Variants in GID8 observed in about 807,000 individuals in gnomAD.
The protein encoded by GID8 is GID complex subunit 8 homolog.
A neutral mutation model predicts 27.4 loss-of-function variants in GID8; 6 were observed. The observed-to-expected ratio is 0.22, with a 90% CI of 0.12 to 0.43. GID8 has a LOEUF of 0.43. Among genes scored for constraint, GID8 ranks in the 20% least tolerant of loss-of-function variants. The pLI is 1.00. For synonymous variants in GID8, 112 were observed against 109.0 expected, an observed-to-expected ratio of 1.03 and a Z score of -0.17; for missense variants, 173 against 287.6, an observed-to-expected ratio of 0.60 and a Z score of 2.88.
At position 62,943,242 on chromosome 20, in the gene GID8, C is replaced by A; in HGVS notation, c.315+59C>A. On this transcript the variant is annotated intron_variant, in intron 3 of 4. Coordinates refer to ENST00000266069, the MANE Select transcript of GID8 (RefSeq NM_017896.3). This position sits in a 1 kb window ranked among gnomAD's most constrained non-coding sequence, Gnocchi z 4.7. ...ATACTTGATAAGTTAAAGTTATTTG[C>A]AATGATTGAGAAATAACTAGGCTAA... is the stretch of plus-strand genomic sequence containing the variant. The A allele has an allele frequency of 8.8e-7, 1 of 1,142,050 alleles. No homozygotes were observed. Among genetic ancestry groups the A allele is most frequent in the South Asian group, 1.5e-5 (1 of 65,108 alleles). 70.7% of individuals were successfully genotyped at this position (1,142,050 alleles called of 1,614,324 possible).
chr20:62,940,648 C>G (rs929332556), intron 1 of GID8, among the ~76,000 whole-genome samples: 4 of 152,284 alleles, frequency 2.6e-5, no homozygotes, highest in African/African-American at 7.2e-5. Flanking sequence ...CGCGCCCGGC[C>G]GCAACTCTCT....
Position 62,943,298 on chromosome 20 carries a change from T to A in GID8, c.315+115T>A. On this transcript the variant is annotated intron_variant, in intron 3 of 4. Coordinates refer to ENST00000266069, the MANE Select transcript of GID8 (RefSeq NM_017896.3). This position sits in a 1 kb window ranked among gnomAD's most constrained non-coding sequence, Gnocchi z 4.7. Reference sequence around the variant, plus strand: ...TTTAATAATGTTATTTCAATGCATGTGAGGGGGAGAGGTTTGAGTTTGCTC... The same window carrying A: ...TTTAATAATGTTATTTCAATGCATGAGAGGGGGAGAGGTTTGAGTTTGCTC... The A allele has an allele frequency of 1.0e-6, 1 of 976,310 alleles. No individual in the cohort carries two copies. The highest frequency in any genetic ancestry group is 1.5e-6 in the Non-Finnish European group (1 of 646,858). The allele number at this position is 976,310 out of a possible 1,614,324, so 60.5% of individuals were successfully genotyped here.
At chr20:62,944,657 T>C in intron 4 of GID8, 82 bp from the exon 5 acceptor site, 1 of 942,202 alleles carries the variant, frequency 1.1e-6, no homozygotes, top group Non-Finnish European at 1.7e-6. Context: ...AGCTTAATGT[T>C]TGTTTAAACT....
rs1229893486 is a variant in GID8, at chr20:62,938,159, G to C, written c.-107G>C. On this transcript the variant is annotated 5_prime_UTR_variant, in exon 1 of 5. Coordinates refer to ENST00000266069, the MANE Select transcript of GID8 (RefSeq NM_017896.3). ...CCCCCACCTCTGCCTCCTTCTACTC[G>C]GGCGCCCCGGCGGCCGCCACCTCTC... 2.2e-5 allele frequency: 6 copies of C among 266,726 alleles called. No individual in the cohort carries two copies. The highest frequency in any genetic ancestry group is 2.8e-5 in the Non-Finnish European group (4 of 141,828). 16.5% of individuals were successfully genotyped at this position (266,726 alleles called of 1,614,324 possible). A position where few individuals can be genotyped will look rare whatever the true frequency, so the allele number is the denominator to read the frequency against.
At position 62,943,814 on chromosome 20, in the gene GID8, A is replaced by T; in HGVS notation, c.513+122A>T. The T allele has an allele frequency of 1.5e-4, 93 of 619,930 alleles. No homozygotes were observed. Among genetic ancestry groups the T allele is most frequent in the Non-Finnish European group, 2.4e-4 (85 of 355,826 alleles). 38.4% of individuals were successfully genotyped at this position (619,930 alleles called of 1,614,324 possible). On this transcript the variant is annotated intron_variant, in intron 4 of 4. Coordinates refer to ENST00000266069, the MANE Select transcript of GID8 (RefSeq NM_017896.3). The surrounding 1 kb of genome is among the most constrained non-coding windows in gnomAD (Gnocchi z 4.7). ...GAGACAGGTGGCTTCTGTGCCTGGG[A>T]TGCTAAGTGGTTCCTTCATGGCTTT...
chr20:62,943,323 C>T lies in GID8; in HGVS notation c.315+140C>T. ...TGAGGGGGAGAGGTTTGAGTTTGCT[C>T]TTTTATGTAGTTCAGAAGCGGTTTT... On this transcript the variant is annotated intron_variant, in intron 3 of 4. Transcript: ENST00000266069. The surrounding 1 kb of genome is among the most constrained non-coding windows in gnomAD (Gnocchi z 4.7). 3 of 938,942 alleles carry T rather than the reference C, an allele frequency of 3.2e-6. No homozygotes were observed. Among genetic ancestry groups the T allele is most frequent in the Non-Finnish European group, 4.8e-6 (3 of 619,816 alleles). The allele number at this position is 938,942 out of a possible 1,614,324, so 58.2% of individuals were successfully genotyped here. A position where few individuals can be genotyped will look rare whatever the true frequency, so the allele number is the denominator to read the frequency against.
Position 62,943,303 on chromosome 20 carries a change from G to C in GID8, c.315+120G>C. On this transcript the variant is annotated intron_variant, in intron 3 of 4. Coordinates refer to ENST00000266069, the MANE Select transcript of GID8 (RefSeq NM_017896.3). The surrounding 1 kb of genome is among the most constrained non-coding windows in gnomAD (Gnocchi z 4.7). ...TAATGTTATTTCAATGCATGTGAGG[G>C]GGAGAGGTTTGAGTTTGCTCTTTTA... The C allele has an allele frequency of 1.0e-6, 1 of 972,270 alleles. No homozygotes were observed. The highest frequency in any genetic ancestry group is 1.6e-6 in the Non-Finnish European group (1 of 644,286). 60.2% of individuals were successfully genotyped at this position (972,270 alleles called of 1,614,324 possible). A position where few individuals can be genotyped will look rare whatever the true frequency, so the allele number is the denominator to read the frequency against.
chr20:62,943,746 C>T lies in GID8; in HGVS notation c.513+54C>T. The T allele has an allele frequency of 1.4e-6, 2 of 1,386,754 alleles. No individual in the cohort carries two copies. Among genetic ancestry groups the T allele is most frequent in the Non-Finnish European group, 2.0e-6 (2 of 980,246 alleles). 85.9% of individuals were successfully genotyped at this position (1,386,754 alleles called of 1,614,324 possible). On this transcript the variant is annotated intron_variant, in intron 4 of 4. Coordinates refer to ENST00000266069, the MANE Select transcript of GID8 (RefSeq NM_017896.3). This position sits in a 1 kb window ranked among gnomAD's most constrained non-coding sequence, Gnocchi z 4.7. Reference sequence around the variant, plus strand: ...CCATTCCCCATGTGCTCTGAGGGGGCTTCGTGACAACGCCAAGTGTGTGGC... The same window carrying T: ...CCATTCCCCATGTGCTCTGAGGGGGTTTCGTGACAACGCCAAGTGTGTGGC...
chr20:62,944,016 A>G (rs1161773987), intron 4 of GID8, among the ~76,000 whole-genome samples: 2 of 151,976 alleles, frequency 1.3e-5, no homozygotes, highest in Admixed American at 1.3e-4. Context: ...TTGTATTTTT[A>G]GTGGAGATGG....
In GID8 at chr20:62,944,783, C is replaced by T. The variant is rs201563461; in HGVS notation, c.558C>T (p.Arg186=). ...AAGCTGTGCTAGATTATGAAAATCGCGAGTCAACACCCAAACTGGCAAAAT... is the reference window on the plus strand; with the variant it reads ...AAGCTGTGCTAGATTATGAAAATCGTGAGTCAACACCCAAACTGGCAAAAT... The part of the protein sequence containing the change: ...VNQAVLDYEN[R]ESTPKLAKLL... Residue 186 remains arginine (R), a synonymous_variant, in exon 5 of 5, where the codon CGC becomes CGT. Transcript: ENST00000266069. 2.5e-5 allele frequency: 41 copies of T among 1,613,948 alleles called. No individual in the cohort carries two copies. Among genetic ancestry groups the T allele is most frequent in the South Asian group, 6.6e-5 (6 of 91,090 alleles).
Position 62,947,767 on chromosome 20 carries a change from G to A in GID8, c.*2855G>A, listed in dbSNP as rs926275085. ...GTGCGGAGTCCACGGAAGCCTCGGGGAGGTGGAGCTGCTCCTTCCATTCCG... is the reference window on the plus strand; with the variant it reads ...GTGCGGAGTCCACGGAAGCCTCGGGAAGGTGGAGCTGCTCCTTCCATTCCG... On this transcript the variant is annotated 3_prime_UTR_variant, in exon 5 of 5. Coordinates refer to ENST00000266069, the MANE Select transcript of GID8 (RefSeq NM_017896.3). 5 of 152,268 alleles carry A rather than the reference G, an allele frequency of 3.3e-5. No homozygotes were observed. Among genetic ancestry groups the A allele is most frequent in the African/African-American group, 9.6e-5 (4 of 41,460 alleles). The allele number at this position is 152,268 out of a possible 1,614,324, so 9.4% of individuals were successfully genotyped here.
At position 62,945,847 on chromosome 20, in the gene GID8, G is replaced by A. The variant is rs1289533552; in HGVS notation, c.*935G>A. ...CCCCAGCAGGTGGTGCACGACTGTT[G>A]GCGGAAGGAACGCGTGTTCATCCTC... On this transcript the variant is annotated 3_prime_UTR_variant, in exon 5 of 5. Transcript: ENST00000266069. 1.6e-6 allele frequency: 2 copies of A among 1,289,656 alleles called. No individual in the cohort carries two copies. Among genetic ancestry groups the A allele is most frequent in the Admixed American group, 2.3e-5 (1 of 43,556 alleles). 79.9% of individuals were successfully genotyped at this position (1,289,656 alleles called of 1,614,324 possible). A position where few individuals can be genotyped will look rare whatever the true frequency, so the allele number is the denominator to read the frequency against.
intron 1 of GID8, among the ~76,000 whole-genome samples, chr20:62,939,117 CA>C (rs5842408): frequency 0.27 from 38,579 of 144,462 alleles, 5,164 homozygotes; most frequent in East Asian, 0.35. Flanking sequence ...GGCTCTGTCT[CA>C]AAAAAAAAAG....
Position 62,943,204 on chromosome 20 carries a change from G to C in GID8, c.315+21G>C, listed in dbSNP as rs749285571. On this transcript the variant is annotated intron_variant, in intron 3 of 4. Transcript: ENST00000266069. This position sits in a 1 kb window ranked among gnomAD's most constrained non-coding sequence, Gnocchi z 4.7. Reference sequence around the variant, plus strand: ...TGCAGGTATGTTTCAGGAGAGAGTAGTCTGGTTTGTGAATACTTGATAAGT... The same window carrying C: ...TGCAGGTATGTTTCAGGAGAGAGTACTCTGGTTTGTGAATACTTGATAAGT... 2 of 1,550,886 alleles carry C rather than the reference G, an allele frequency of 1.3e-6. No homozygotes were observed. The highest frequency in any genetic ancestry group is 2.3e-5 in the South Asian group (2 of 88,822).
Position 62,944,921 on chromosome 20 carries a change from C to T in GID8, c.*9C>T, listed in dbSNP as rs747573540. 1.2e-6 allele frequency: 2 copies of T among 1,605,672 alleles called. No homozygotes were observed. The highest frequency in any genetic ancestry group is 2.2e-5 in the South Asian group (2 of 89,996). ...TTGAGGAGCCCAAGTAGCGCCTGCGCTTGCGTGGTGGATCCAACACCAGCC... is the reference window on the plus strand; with the variant it reads ...TTGAGGAGCCCAAGTAGCGCCTGCGTTTGCGTGGTGGATCCAACACCAGCC... On this transcript the variant is annotated 3_prime_UTR_variant, in exon 5 of 5. Coordinates refer to ENST00000266069, the MANE Select transcript of GID8 (RefSeq NM_017896.3).
Position 62,947,452 on chromosome 20 carries a change from T to TAAAAG in GID8, c.*2541_*2542insAAAGA, listed in dbSNP as rs1467319468. 3.3e-5 allele frequency: 5 copies of TAAAAG among 152,604 alleles called. No individual in the cohort carries two copies. Among genetic ancestry groups the TAAAAG allele is most frequent in the African/African-American group, 1.2e-4 (5 of 41,464 alleles). The allele number at this position is 152,604 out of a possible 1,614,324, so 9.5% of individuals were successfully genotyped here. On this transcript the variant is annotated 3_prime_UTR_variant, in exon 5 of 5. Coordinates refer to ENST00000266069, the MANE Select transcript of GID8 (RefSeq NM_017896.3). Reference sequence around the variant, plus strand: ...TCATTTTGGATCTCACTGTTGTCTTTATAAAAATGGCACATTTTACAAAGT... The same window carrying TAAAAG: ...TCATTTTGGATCTCACTGTTGTCTTTAAAAGATAAAAATGGCACATTTTACAAAGT...
intron 1 of GID8, among the ~76,000 whole-genome samples, chr20:62,940,065 T>C (rs1364059134): frequency 3.9e-5 from 6 of 152,082 alleles, no homozygotes; most frequent in African/African-American, 1.4e-4. Flanking sequence ...ACAAACAAAA[T>C]AGGTTTGCCA....
At chr20:62,938,449 G>A (rs2065417346) in intron 1 of GID8, among the ~76,000 whole-genome samples, 196 bp downstream of exon 1, 1 of 152,036 alleles carries the variant, frequency 6.6e-6, no homozygotes. Context: ...GTGCCCAGGG[G>A]GCAGTCAGGG....
Position 62,946,534 on chromosome 20 carries a change from A to G in GID8, c.*1622A>G, listed in dbSNP as rs1176376499. The G allele has an allele frequency of 6.5e-6, 1 of 153,382 alleles. No individual in the cohort carries two copies. The highest frequency in any genetic ancestry group is 1.4e-5 in the Non-Finnish European group (1 of 68,970). 9.5% of individuals were successfully genotyped at this position (153,382 alleles called of 1,614,324 possible). A position where few individuals can be genotyped will look rare whatever the true frequency, so the allele number is the denominator to read the frequency against. ...TGTTTACTTTACCTAGATGGCTTAT[A>G]TAATCCAGTAAGAGATGCAAAGATA... On this transcript the variant is annotated 3_prime_UTR_variant, in exon 5 of 5. Coordinates refer to ENST00000266069, the MANE Select transcript of GID8 (RefSeq NM_017896.3).
Sources: gnomAD v4.1 joint callset for allele counts (sites outside exome capture counted in the v4.1 genomes callset) on GRCh38, gnomAD v4.1.1 for gene constraint, Gnocchi (gnomAD v3.1) non-coding constraint, MANE v1.5 for transcripts, NCBI Gene and HGNC (gene_info 2026-07-23, HGNC 2026-07-21) for gene names.